SLC39A11: variants seen among roughly 807,000 people sequenced by gnomAD.
SLC39A11 encodes solute carrier family 39 member 11.
SLC39A11 carries 33 observed loss-of-function variants against 36.1 expected under a neutral mutation model. That is an observed-to-expected ratio of 0.91 (90% CI 0.69 to 1.22). The LOEUF is 1.22. Among genes scored for constraint, SLC39A11 ranks in the 50% most tolerant of loss-of-function variants. The pLI, the probability that SLC39A11 is intolerant of heterozygous loss-of-function variation, is 0.00. For synonymous variants in SLC39A11, 166 were observed against 170.3 expected, an observed-to-expected ratio of 0.97 and a Z score of 0.20; for missense variants, 432 against 430.3, an observed-to-expected ratio of 1.00 and a Z score of -0.03.
At chr17:73,020,680 CT>C (rs71154945) in intron 4 of SLC39A11, among the ~76,000 whole-genome samples, 3 of 98,888 alleles carry the variant, frequency 3.0e-5, no homozygotes, top group African/African-American at 4.0e-5. Context: ...TTGTTTCTTT[CT>C]TTTTTTTTTT....
chr17:72,844,177 C>G (rs1374589174), intron 6 of SLC39A11, among the ~76,000 whole-genome samples: 1 of 152,266 alleles, frequency 6.6e-6, no homozygotes, highest in East Asian at 1.9e-4. Context: ...GGTAAGTTGG[C>G]TCCAAACAGG....
intron 7 of SLC39A11, among the ~76,000 whole-genome samples, chr17:72,708,753 T>C (rs1031236779): frequency 3.3e-5 from 5 of 152,222 alleles, no homozygotes; most frequent in African/African-American, 1.2e-4. Context: ...AGCATCAAGA[T>C]TGACTTGTTT....
rs1167396891 is a variant in SLC39A11 at position 73,004,167 on chromosome 17, GAA to G, written c.306+27387_306+27388del. ...AGAAAGAAAGAAAGAAGGAAAAAAA[GAA>G]AGAAAGAAAGAAAGAAAGAAAGAAA... On this transcript the variant is annotated intron_variant, in intron 4 of 9. Transcript: ENST00000255559. Among the ~76,000 whole-genome samples the G allele has an allele frequency of 4.5e-5, 2 of 43,980 alleles. 1 individual carries two copies. The highest frequency in any genetic ancestry group is 1.8e-4 in the African/African-American group (2 of 11,142). The allele number at this position is 43,980 out of a possible 152,430, so 28.9% of individuals were successfully genotyped here.
At chr17:72,869,822 A>T (rs1172366366) in intron 5 of SLC39A11, among the ~76,000 whole-genome samples, 1 of 152,228 alleles carries the variant, frequency 6.6e-6, no homozygotes, top group Non-Finnish European at 1.5e-5. Flanking sequence ...TTAAAATGCA[A>T]ATAGAACAGA....
At chr17:72,982,081 AT>A (rs11323990) in intron 4 of SLC39A11, among the ~76,000 whole-genome samples, 51,668 of 150,164 alleles carry the variant, frequency 0.34, 9,197 homozygotes, top group East Asian at 0.64. Flanking sequence ...CATCTCTAAA[AT>A]TTTTTTTTTT....
intron 5 of SLC39A11, 37 bp downstream of exon 5, chr17:72,947,715 G>A (rs748120309): frequency 5.6e-6 from 9 of 1,612,614 alleles, no homozygotes; most frequent in Non-Finnish European, 7.6e-6. Context: ...CTCAGTGTCT[G>A]CAGCAAAGAG....
chr17:72,887,031 T>C (rs539455337), intron 5 of SLC39A11, among the ~76,000 whole-genome samples: 33 of 152,336 alleles, frequency 2.2e-4, no homozygotes, highest in African/African-American at 7.5e-4. Context: ...TACCCTGCTT[T>C]TCTTTTTCCC....
chr17:73,017,311 C>A (rs761870362), intron 4 of SLC39A11, among the ~76,000 whole-genome samples: 27 of 152,144 alleles, frequency 1.8e-4, no homozygotes, highest in Non-Finnish European at 2.5e-4. Flanking sequence ...CCTAGCCAGA[C>A]GGAAAACATG....
chr17:73,027,259 C>T (rs762180015), intron 4 of SLC39A11, among the ~76,000 whole-genome samples: 3 of 152,230 alleles, frequency 2.0e-5, no homozygotes, highest in Non-Finnish European at 4.4e-5. Flanking sequence ...CTGTTTCTGC[C>T]TAGAACCATC....
chr17:72,970,390 T>G (rs936508802), intron 4 of SLC39A11, among the ~76,000 whole-genome samples: 1 of 152,184 alleles, frequency 6.6e-6, no homozygotes, highest in Admixed American at 6.5e-5. Flanking sequence ...TAACAAGCCC[T>G]CAGATGCAGC....
intron 5 of SLC39A11, among the ~76,000 whole-genome samples, chr17:72,857,437 T>A (rs770472732): frequency 6.6e-5 from 10 of 152,224 alleles, no homozygotes; most frequent in African/African-American, 7.2e-5. Flanking sequence ...AGTGCTGCAA[T>A]GAACATTGAT....
Position 72,737,954 on chromosome 17 carries a change from AAGG to A in SLC39A11, c.602-1238_602-1236del, listed in dbSNP as rs1287061757. On this transcript the variant is annotated intron_variant, in intron 6 of 9. Coordinates refer to ENST00000255559, the MANE Select transcript of SLC39A11 (RefSeq NM_139177.4). ...ATAAACTGGGGTCTTGTCAGTAGCA[AAGG>A]AGGAGGGGTGGCGTGATCACCACCA... Among the ~76,000 whole-genome samples, 6 of 152,200 alleles carry A rather than the reference AAGG, an allele frequency of 3.9e-5. No homozygotes were observed. The East Asian group carries it at 9.7e-4, about 25-fold the overall frequency.
At chr17:72,880,676 A>G (rs2081149701) in intron 5 of SLC39A11, among the ~76,000 whole-genome samples, 1 of 151,824 alleles carries the variant, frequency 6.6e-6, no homozygotes, top group African/African-American at 2.4e-5. Flanking sequence ...AAGTTCAGAT[A>G]CATGGCTTTT....
intron 6 of SLC39A11, among the ~76,000 whole-genome samples, chr17:72,782,385 T>C (rs895264388): frequency 1.3e-5 from 2 of 152,126 alleles, no homozygotes; most frequent in African/African-American, 4.8e-5. Flanking sequence ...TCTGTTGTTT[T>C]AAGCCACCCA....
intron 5 of SLC39A11, among the ~76,000 whole-genome samples, chr17:72,894,840 T>C (rs147561872): frequency 5.5e-4 from 83 of 152,140 alleles, no homozygotes; most frequent in Middle Eastern, 3.4e-3. Context: ...AATTTCAGTG[T>C]GGGCCTAGAG....
chr17:72,792,158 G>A (rs2076729099), intron 6 of SLC39A11, among the ~76,000 whole-genome samples: 1 of 152,206 alleles, frequency 6.6e-6, no homozygotes, highest in Non-Finnish European at 1.5e-5. Context: ...AAGCAATGCT[G>A]CACAGACTAG....
At chr17:72,750,331 C>A (rs779858961) in intron 6 of SLC39A11, among the ~76,000 whole-genome samples, 1 of 151,946 alleles carries the variant, frequency 6.6e-6, no homozygotes, top group Non-Finnish European at 1.5e-5. Context: ...GAACCACAAC[C>A]ACATCGCCTG....
At chr17:72,837,841 G>A (rs2078635214) in intron 6 of SLC39A11, 1 of 828,974 alleles carries the variant, frequency 1.2e-6, no homozygotes, top group Non-Finnish European at 1.6e-6. Context: ...TCCCGGTTAG[G>A]GAAACTGTAG....
At position 72,893,385 on chromosome 17, in the gene SLC39A11, G is replaced by C. The variant is rs572030118; in HGVS notation, c.431-43581C>G. On this transcript the variant is annotated intron_variant, in intron 5 of 9. Coordinates refer to ENST00000255559, the MANE Select transcript of SLC39A11 (RefSeq NM_139177.4). ...CTGAGGCAGGAGAATTGCTTGAAAT[G>C]GGGGGTGGAGGTTGCAGTGACCCAG... Among the ~76,000 whole-genome samples the C allele has an allele frequency of 5.3e-5, 8 of 152,230 alleles. No homozygotes were observed. The South Asian group carries it at 1.5e-3, about 28-fold the overall frequency.
Sources: gnomAD v4.1 joint callset for allele counts (sites outside exome capture counted in the v4.1 genomes callset) on GRCh38, gnomAD v4.1.1 for gene constraint, MANE v1.5 for transcripts, NCBI Gene and HGNC (gene_info 2026-07-23, HGNC 2026-07-21) for gene names.